MYO1F: variants seen among roughly 807,000 people sequenced by gnomAD.
MYO1F encodes the protein unconventional myosin-If.
Under a neutral mutation model 146.6 loss-of-function variants are expected in MYO1F, and 60 were observed. The observed-to-expected ratio is 0.41, with a 90% confidence interval of 0.33 to 0.51. The LOEUF is 0.51. Ranked by LOEUF, MYO1F falls within the 20% of genes least tolerant of loss-of-function variation. The pLI is 0.25. For missense variants in MYO1F, 1,274 were observed against 1,534.3 expected, an observed-to-expected ratio of 0.83 and a Z score of 2.83; for synonymous variants, 602 against 602.1, an observed-to-expected ratio of 1.00 and a Z score of 0.00.
Position 8,530,733 on chromosome 19 carries a change from G to C in MYO1F, c.2044-160C>G, listed in dbSNP as rs545139124. On this transcript the variant is annotated intron_variant, in intron 19 of 27. Transcript: ENST00000644032. The surrounding 1 kb of genome is among the most constrained non-coding windows in gnomAD (Gnocchi z 5.8). ...AGGCGGGGTCTTTCTAGTGACACTC[G>C]TTCATAAAGAAAAGAAGAAAAAGGG... Among the ~76,000 whole-genome samples, 2 of 152,036 alleles carry C rather than the reference G, an allele frequency of 1.3e-5. No homozygotes were observed. Among genetic ancestry groups the C allele is most frequent in the South Asian group, 4.1e-4 (2 of 4,824 alleles).
chr19:8,566,884 T>G (rs1482970682), intron 1 of MYO1F, among the ~76,000 whole-genome samples: 1 of 151,842 alleles, frequency 6.6e-6, no homozygotes, highest in Non-Finnish European at 1.5e-5. Flanking sequence ...CTATGTTGCC[T>G]AGGCTGGTCT....
intron 1 of MYO1F, among the ~76,000 whole-genome samples, chr19:8,569,212 C>CT (rs2042065129): frequency 6.6e-6 from 1 of 152,074 alleles, no homozygotes; most frequent in African/African-American, 2.4e-5. Flanking sequence ...CAAGTCAAAA[C>CT]TGTTTGTTTG....
intron 13 of MYO1F, among the ~76,000 whole-genome samples, chr19:8,545,191 G>C (rs1973290184): frequency 6.6e-6 from 1 of 152,088 alleles, no homozygotes; most frequent in African/African-American, 2.4e-5. Flanking sequence ...GGGCTCAAGT[G>C]ATCCTCCCAC....
chr19:8,544,041 C>CGGTGCTGGTGGTGG, intron 14 of MYO1F: 1 of 211,942 alleles, frequency 4.7e-6, no homozygotes, highest in South Asian at 5.5e-5. Context: ...GGTGGCGGTG[C>CGGTGCTGGTGGTGG]TGGTGGTGGT....
intron 10 of MYO1F, chr19:8,549,879 C>T: frequency 1.9e-6 from 1 of 538,556 alleles, no homozygotes; most frequent in Non-Finnish European, 3.4e-6. Flanking sequence ...TAGCTCACTG[C>T]AGCCCCAACC....
chr19:8,562,022 C>G (rs1974156298), intron 1 of MYO1F, among the ~76,000 whole-genome samples: 1 of 151,164 alleles, frequency 6.6e-6, no homozygotes, highest in African/African-American at 2.4e-5. Context: ...GCCCTTCCTT[C>G]CTTTTTCTTT....
intron 1 of MYO1F, among the ~76,000 whole-genome samples, chr19:8,568,437 A>ACAAAAC (rs1568375606): frequency 2.0e-5 from 3 of 150,572 alleles, no homozygotes; most frequent in Non-Finnish European, 4.4e-5. Flanking sequence ...AAAAAAAAAA[A>ACAAAAC]AAAAAAAATT....
chr19:8,552,337 C>T (rs560848649), intron 6 of MYO1F, among the ~76,000 whole-genome samples, 173 bp from the exon 7 acceptor site: 4 of 152,148 alleles, frequency 2.6e-5, no homozygotes, highest in South Asian at 4.2e-4. Flanking sequence ...CGGCTCACTG[C>T]AACGTCCACC....
At chr19:8,539,424 A>C (rs534395465) in intron 16 of MYO1F, among the ~76,000 whole-genome samples, 1 of 151,134 alleles carries the variant, frequency 6.6e-6, no homozygotes, top group African/African-American at 2.4e-5. Flanking sequence ...CAAAAAAAAA[A>C]CCAAACCAAC....
chr19:8,556,000 C>T (rs1973837674), intron 1 of MYO1F, among the ~76,000 whole-genome samples: 1 of 149,906 alleles, frequency 6.7e-6, no homozygotes, highest in South Asian at 2.1e-4. Flanking sequence ...CAGCCCTCAG[C>T]CCTCTATTTT....
At chr19:8,573,465 G>A (rs2042147843) in intron 1 of MYO1F, among the ~76,000 whole-genome samples, 1 of 152,078 alleles carries the variant, frequency 6.6e-6, no homozygotes, top group Non-Finnish European at 1.5e-5. Flanking sequence ...GCCAATGTCA[G>A]ACAGGTCCCA....
chr19:8,544,082 T>C, intron 14 of MYO1F: 1 of 452,840 alleles, frequency 2.2e-6, no homozygotes, highest in Admixed American at 3.5e-5. Context: ...CCAGACAAGT[T>C]TGGGGCTTAG....
At chr19:8,554,387 T>G (rs1181568328) in intron 4 of MYO1F, 90 bp downstream of exon 4, 1 of 1,033,100 alleles carries the variant, frequency 9.7e-7, no homozygotes, top group Non-Finnish European at 1.5e-6. Context: ...ATGTTCAGAT[T>G]GGGAGTTTCA....
Position 8,553,435 on chromosome 19 carries a change from C to T in MYO1F, c.329G>A (p.Gly110Glu), listed in dbSNP as rs1973699865. 1 of 1,613,494 alleles carries T rather than the reference C, an allele frequency of 6.2e-7. No homozygotes were observed. Among genetic ancestry groups the T allele is most frequent in the Non-Finnish European group, 8.5e-7 (1 of 1,179,524 alleles). The change falls in exon 5 of 28, where the codon GGA becomes GAA. Residue 110 changes from glycine (G) to glutamate (E), a missense_variant and splice_region_variant. Gly to Glu is a moderately conservative substitution (Grantham distance 98). Transcript: ENST00000644032. ...CACTGTCTTCCCAGCTCCACTCTCT[C>T]CACTGGGGATGAATGGAGGAATAAA... is the stretch of plus-strand genomic sequence containing the variant. ...DCENQCVIIS[G>E]ESGAGKTVAA...
rs926887148 is a variant in MYO1F at position 8,552,025 on chromosome 19, C to T, written c.636+8G>A. 2.5e-6 allele frequency: 4 copies of T among 1,614,032 alleles called. No individual in the cohort carries two copies. The highest frequency in any genetic ancestry group is 1.3e-5 in the African/African-American group (1 of 75,010). On this transcript the variant is annotated splice_region_variant and intron_variant, in intron 7 of 27. Coordinates refer to ENST00000644032, the MANE Select transcript of MYO1F (RefSeq NM_012335.4). ...GGTGCTCCCTCTCCCCCGGCCCCTT[C>T]CCTGCACCTGGTAGTAGATGTGGAA...
Position 8,555,799 on chromosome 19 carries a change from G to A in MYO1F, c.4-3C>T. The A allele has an allele frequency of 6.2e-7, 1 of 1,610,824 alleles. No homozygotes were observed. The highest frequency in any genetic ancestry group is 8.5e-7 in the Non-Finnish European group (1 of 1,178,802). On this transcript the variant is annotated splice_region_variant and splice_polypyrimidine_tract_variant and intron_variant, in intron 1 of 27. Coordinates refer to ENST00000644032, the MANE Select transcript of MYO1F (RefSeq NM_012335.4). ...CAGTGGAAGCGCTCCTTGCTGCCCT[G>A]GGGGGTGAGAGGGGGGTCGGGGTGA...
At chr19:8,532,129 A>G in intron 19 of MYO1F, among the ~76,000 whole-genome samples, 1 of 151,918 alleles carries the variant, frequency 6.6e-6, no homozygotes, top group Non-Finnish European at 1.5e-5. Context: ...CGACCCCTGA[A>G]AAAAGAAAAG....
chr19:8,546,056 CTT>C (rs58638075), intron 12 of MYO1F, among the ~76,000 whole-genome samples: 1,934 of 94,514 alleles, frequency 0.02, 19 homozygotes, highest in African/African-American at 0.071. Flanking sequence ...TATTTTGACT[CTT>C]TTTTTTTTTT....
chr19:8,574,609 CTT>C (rs1162960649), intron 1 of MYO1F, among the ~76,000 whole-genome samples: 6,047 of 61,848 alleles, frequency 0.098, 220 homozygotes, highest in East Asian at 0.14. Context: ...TTCTTTCTTT[CTT>C]TCTTTCTTTC....
Sources: gnomAD v4.1 joint callset for allele counts (sites outside exome capture counted in the v4.1 genomes callset) on GRCh38, gnomAD v4.1.1 for gene constraint, Gnocchi (gnomAD v3.1) non-coding constraint, MANE v1.5 for transcripts, NCBI Gene and HGNC (gene_info 2026-07-23, HGNC 2026-07-21) for gene names.